ING5: variants seen among roughly 807,000 people sequenced by gnomAD.
ING5 encodes the protein inhibitor of growth protein 5.
ING5 carries 17 observed loss-of-function variants against 37.4 expected under a neutral mutation model. The ratio of observed to expected loss-of-function variants is 0.45; its 90% confidence interval spans 0.31 to 0.68. The LOEUF (loss-of-function observed/expected upper bound fraction) is 0.68. Ranked by LOEUF, ING5 falls within the 30% of genes least tolerant of loss-of-function variation. ING5 has a pLI of 0.05. For synonymous variants in ING5, 123 were observed against 116.6 expected, an observed-to-expected ratio of 1.06 and a Z score of -0.36; for missense variants, 233 against 311.9, an observed-to-expected ratio of 0.75 and a Z score of 1.91.
intron 2 of ING5, among the ~76,000 whole-genome samples, chr2:241,694,985 A>C (rs1196119942): frequency 7.0e-6 from 1 of 142,438 alleles, no homozygotes; most frequent in Non-Finnish European, 1.5e-5. Flanking sequence ...GCGCCACCGC[A>C]CTCCAGCCTT....
At chr2:241,687,700 T>C (rs1302475972) in exon 1 of ING5, 1 of 194,908 alleles carries the variant, frequency 5.1e-6, no homozygotes, top group East Asian at 1.1e-4. Context: ...GCTAATTTTT[T>C]GTATTTTTAG....
intron 3 of ING5, 59 bp from the exon 4 acceptor site, chr2:241,711,318 C>T (rs193298564): frequency 4.2e-6 from 5 of 1,193,084 alleles, no homozygotes; most frequent in Middle Eastern, 2.1e-4. Flanking sequence ...TTTGTACATT[C>T]GTGATTCTGA....
At chr2:241,708,955 G>A (rs2070013173) in intron 2 of ING5, 1 of 331,576 alleles carries the variant, frequency 3.0e-6, no homozygotes. Context: ...AGTCGAAGAA[G>A]GCACTGTGAC....
In ING5 at chr2:241,728,121, T is replaced by C. The variant is rs1284834872; in HGVS notation, c.*3090T>C. The C allele has an allele frequency of 6.6e-6, 1 of 152,412 alleles. No individual in the cohort carries two copies. Among genetic ancestry groups the C allele is most frequent in the East Asian group, 1.9e-4 (1 of 5,194 alleles). 9.4% of individuals were successfully genotyped at this position (152,412 alleles called of 1,614,324 possible). On this transcript the variant is annotated 3_prime_UTR_variant, in exon 8 of 8. Coordinates refer to ENST00000313552, the MANE Select transcript of ING5 (RefSeq NM_032329.6). ...CTGTAGTTTGGACCCAACTGAATCC[T>C]GAGTGCTCTGTGGCTGACGCTGTCT...
chr2:241,709,172 T>C (rs1207153384), intron 2 of ING5, 44 bp from the exon 3 acceptor site: 2 of 1,568,500 alleles, frequency 1.3e-6, no homozygotes, highest in African/African-American at 1.4e-5. Flanking sequence ...GAGCACATCA[T>C]GGTGTCTTGT....
At chr2:241,720,913 C>CA in intron 5 of ING5, 1 of 985,636 alleles carries the variant, frequency 1.0e-6, no homozygotes, top group Non-Finnish European at 1.2e-6. Context: ...GTGAGGCCTG[C>CA]ACGGTGGCCT....
intron 2 of ING5, 66 bp downstream of exon 2, chr2:241,704,790 A>G: frequency 7.3e-7 from 1 of 1,361,648 alleles, no homozygotes; most frequent in Non-Finnish European, 1.1e-6. Context: ...CAGCTCCTGA[A>G]GGCTGGGGGC....
intron 7 of ING5, chr2:241,724,159 A>G: frequency 2.4e-6 from 2 of 825,670 alleles, no homozygotes; most frequent in Non-Finnish European, 3.1e-6. Flanking sequence ...AAACTCCGGC[A>G]GACTCGCCCG....
At chr2:241,713,282 T>A (rs1221709876) in intron 5 of ING5, among the ~76,000 whole-genome samples, 3 of 151,282 alleles carry the variant, frequency 2.0e-5, no homozygotes, top group Non-Finnish European at 4.4e-5. Context: ...GGTCTCGAAC[T>A]CCTGACCTCA....
intron 2 of ING5, among the ~76,000 whole-genome samples, chr2:241,694,844 CG>C (rs2069608087): frequency 7.6e-6 from 1 of 131,366 alleles, no homozygotes; most frequent in Non-Finnish European, 1.6e-5. Context: ...TAGTGAAAAC[CG>C]GTCTCTACTA....
At chr2:241,712,132 G>A (rs1047775146) in intron 5 of ING5, 61 bp downstream of exon 5, 61 of 1,314,780 alleles carry the variant, frequency 4.6e-5, no homozygotes, top group Non-Finnish European at 6.3e-5. Context: ...TATCCCGGAT[G>A]TAGGAACACT....
rs922476664 is a variant in ING5 at position 241,727,939 on chromosome 2, A to G, written c.*2908A>G. ...GTGGTCCTGCCTGCCACTGTGCACCATCCCAGGTATTGAATTTTGACCTTT... is the reference window on the plus strand; with the variant it reads ...GTGGTCCTGCCTGCCACTGTGCACCGTCCCAGGTATTGAATTTTGACCTTT... On this transcript the variant is annotated 3_prime_UTR_variant, in exon 8 of 8. Coordinates refer to ENST00000313552, the MANE Select transcript of ING5 (RefSeq NM_032329.6). The G allele has an allele frequency of 1.3e-5, 2 of 152,204 alleles. No homozygotes were observed. Among genetic ancestry groups the G allele is most frequent in the South Asian group, 4.1e-4 (2 of 4,836 alleles). The allele number at this position is 152,204 out of a possible 1,614,324, so 9.4% of individuals were successfully genotyped here. A position where few individuals can be genotyped will look rare whatever the true frequency, so the allele number is the denominator to read the frequency against.
Position 241,709,288 on chromosome 2 carries a change from G to C in ING5, c.182G>C (p.Arg61Pro). 6.2e-7 allele frequency: 1 copy of C among 1,614,124 alleles called. No homozygotes were observed. Among genetic ancestry groups the C allele is most frequent in the Non-Finnish European group, 8.5e-7 (1 of 1,180,022 alleles). The change falls in exon 3 of 8, where the codon CGC (arginine) becomes CCC (proline). Residue 61 changes from arginine to proline, a missense_variant. Around this residue, in one of 4 missense-constraint regions of ING5, gnomAD observed 93 missense variants for 99.7 expected, o/e 0.93. Transcript: ENST00000313552. Reference sequence around the variant, plus strand: ...GTGAAGACGCTGTCTCCAGACCAGCGCGTGGAGCGCCTGCAGAAGATCCAG... The same window carrying C: ...GTGAAGACGCTGTCTCCAGACCAGCCCGTGGAGCGCCTGCAGAAGATCCAG... ...STVKTLSPDQRVERLQKIQNA... is the reference protein window; with the variant it reads ...STVKTLSPDQPVERLQKIQNA...
upstream of ING5, among the ~76,000 whole-genome samples, chr2:241,700,720 A>T (rs1433212761): frequency 2.0e-5 from 3 of 151,668 alleles, no homozygotes; most frequent in Non-Finnish European, 2.9e-5. Flanking sequence ...TCCCTCTCCC[A>T]AGTTCAAGTA....
chr2:241,687,845 G>A (rs1019291023), exon 1 of ING5: 2 of 152,562 alleles, frequency 1.3e-5, no homozygotes, highest in Non-Finnish European at 2.9e-5. Flanking sequence ...TTTAAAAGAT[G>A]ATGTATACAA....
upstream of ING5, among the ~76,000 whole-genome samples, chr2:241,699,188 G>C (rs553056000): frequency 4.0e-5 from 6 of 150,714 alleles, no homozygotes; most frequent in South Asian, 4.2e-4. Flanking sequence ...ACCACGCCTG[G>C]CTAATTTTGT....
chr2:241,700,323 A>AT (rs562699772), upstream of ING5, among the ~76,000 whole-genome samples: 66 of 147,398 alleles, frequency 4.5e-4, no homozygotes, highest in South Asian at 0.014. Context: ...TGCCCAGCTA[A>AT]TTTTTTTGTA....
intron 3 of ING5, among the ~76,000 whole-genome samples, chr2:241,710,079 A>T (rs1355536104): frequency 6.6e-6 from 1 of 151,092 alleles, no homozygotes; most frequent in African/African-American, 2.4e-5. Flanking sequence ...AGTAGCTGAG[A>T]TTACAGGCAT....
At chr2:241,718,520 G>A (rs1482875492) in intron 5 of ING5, among the ~76,000 whole-genome samples, 39 of 149,134 alleles carry the variant, frequency 2.6e-4, no homozygotes, top group African/African-American at 3.7e-4. Flanking sequence ...AAGTTCAAGC[G>A]ATTCTCTGCC....
Sources: gnomAD v4.1 joint callset for allele counts (sites outside exome capture counted in the v4.1 genomes callset) on GRCh38, gnomAD v4.1.1 for gene constraint, gnomAD v4.1.1 regional missense constraint, MANE v1.5 for transcripts, NCBI Gene and HGNC (gene_info 2026-07-23, HGNC 2026-07-21) for gene names.